Variants in DOCK2 observed in about 807,000 individuals in gnomAD.
The protein encoded by DOCK2 is dedicator of cytokinesis protein 2.
A neutral mutation model predicts 248.9 loss-of-function variants in DOCK2; 87 were observed. The ratio of observed to expected loss-of-function variants is 0.35; its 90% CI spans 0.29 to 0.42. The LOEUF (loss-of-function observed/expected upper bound fraction) is 0.42, where lower values mean the gene tolerates loss of function less well. DOCK2 is among the 10% of genes least tolerant of loss of function. The pLI, the probability that DOCK2 is intolerant of heterozygous loss-of-function variation, is 1.00. For synonymous variants in DOCK2, 805 were observed against 821.6 expected, an observed-to-expected ratio of 0.98 and a Z score of 0.35; for missense variants, 1,747 against 2,300.2, an observed-to-expected ratio of 0.76 and a Z score of 4.92.
At chr5:169,785,833 T>C (rs142343887) in intron 25 of DOCK2, among the ~76,000 whole-genome samples, 1 of 152,148 alleles carries the variant, frequency 6.6e-6, no homozygotes, top group African/African-American at 2.4e-5. Context: ...TTTTGTGGAA[T>C]GCTCCTTCAT....
At chr5:170,003,547 T>G (rs1754914202) in intron 30 of DOCK2, among the ~76,000 whole-genome samples, 1 of 152,152 alleles carries the variant, frequency 6.6e-6, no homozygotes, top group Non-Finnish European at 1.5e-5. Flanking sequence ...AGGAAGCGGG[T>G]CTTGAACCCA....
At chr5:170,077,643 G>T (rs1418386869) in intron 47 of DOCK2, 67 bp from the exon 48 acceptor site, 2 of 1,594,218 alleles carry the variant, frequency 1.3e-6, no homozygotes, top group Non-Finnish European at 1.7e-6. Flanking sequence ...GAGGAAGAAG[G>T]TGACAGGAAG....
chr5:170,077,604 C>T, intron 47 of DOCK2, 106 bp from the exon 48 acceptor site: 1 of 1,511,172 alleles, frequency 6.6e-7, no homozygotes, highest in Non-Finnish European at 8.9e-7. Context: ...ATGCTCCACT[C>T]AGCCCCACAA....
chr5:169,939,689 T>C (rs1290615180), intron 27 of DOCK2, among the ~76,000 whole-genome samples: 1 of 152,192 alleles, frequency 6.6e-6, no homozygotes, highest in Non-Finnish European at 1.5e-5. Flanking sequence ...ATTCCGTCAT[T>C]GACTGAGACG....
chr5:169,724,209 A>G (rs1384044190), intron 22 of DOCK2, among the ~76,000 whole-genome samples: 2 of 152,162 alleles, frequency 1.3e-5, no homozygotes, highest in Non-Finnish European at 2.9e-5. Flanking sequence ...GGGGCTGCTG[A>G]GAGGCACATG....
At chr5:169,966,071 C>T (rs989106746) in intron 27 of DOCK2, among the ~76,000 whole-genome samples, 3 of 152,192 alleles carry the variant, frequency 2.0e-5, no homozygotes, top group Non-Finnish European at 4.4e-5. Flanking sequence ...AATATTCTGC[C>T]AATCTCGAAA....
At chr5:169,932,484 G>C (rs542390011) in intron 27 of DOCK2, among the ~76,000 whole-genome samples, 4 of 152,200 alleles carry the variant, frequency 2.6e-5, no homozygotes, top group Non-Finnish European at 5.9e-5. Flanking sequence ...TCAGTTGATG[G>C]AACATGCTTC....
At chr5:170,023,802 G>A (rs1755812310) in intron 33 of DOCK2, among the ~76,000 whole-genome samples, 1 of 152,076 alleles carries the variant, frequency 6.6e-6, no homozygotes. Context: ...TGACATCCAG[G>A]CCTCTAATAA....
chr5:169,900,265 A>G (rs140165040), intron 27 of DOCK2, among the ~76,000 whole-genome samples: 1 of 152,054 alleles, frequency 6.6e-6, no homozygotes, highest in Admixed American at 6.6e-5. Flanking sequence ...CCTTTAGACA[A>G]CCCTAACCTG....
intron 20 of DOCK2, 34 bp from the exon 21 acceptor site, chr5:169,717,350 C>A (rs192672404): frequency 5.4e-5 from 86 of 1,588,030 alleles, no homozygotes; most frequent in Admixed American, 3.0e-4. Flanking sequence ...CCTGGGTTTG[C>A]CCTGAAAATA....
In DOCK2 at chr5:169,911,498, C is replaced by G. The variant is rs1774596654; in HGVS notation, c.2799+70646C>G. 3.3e-5 allele frequency among the ~76,000 whole-genome samples: 5 copies of G among 152,308 alleles called. No homozygotes were observed. The South Asian group carries it at 1.0e-3, about 32-fold the overall frequency. On this transcript the variant is annotated intron_variant, in intron 27 of 51. Transcript: ENST00000520908. ...GTTTAATGTGGCCAGTGACATTTTT[C>G]CAAGTCTGTTTATTACCTGCTGGTG...
In DOCK2 at chr5:170,079,126, G is replaced by A. The variant is rs752039688; in HGVS notation, c.5146G>A (p.Ala1716Thr). Residue 1716 changes from alanine to threonine, a missense_variant, in exon 49 of 52, where the codon GCA (alanine) becomes ACA (threonine). By Grantham distance (58) the Ala-to-Thr change is moderately conservative. Coordinates refer to ENST00000520908, the MANE Select transcript of DOCK2 (RefSeq NM_004946.3). ...SVVFADEKAA[A>T]ESDLKRLSRK... Reference sequence around the variant, plus strand: ...AGTTTTTGCGGATGAGAAAGCAGCTGCAGAGTCGGACCTGAAGCGGGTGAG... The same window carrying A: ...AGTTTTTGCGGATGAGAAAGCAGCTACAGAGTCGGACCTGAAGCGGGTGAG... 3.1e-6 allele frequency: 5 copies of A among 1,613,726 alleles called. No homozygotes were observed. Among genetic ancestry groups the A allele is most frequent in the East Asian group, 2.2e-5 (1 of 44,882 alleles).
intron 34 of DOCK2, among the ~76,000 whole-genome samples, chr5:170,031,416 C>T (rs959661559): frequency 6.6e-6 from 1 of 152,214 alleles, no homozygotes; most frequent in Non-Finnish European, 1.5e-5. Context: ...CCCTCTAGTC[C>T]TCCCACAACA....
chr5:169,796,766 G>C (rs1766680539), intron 25 of DOCK2, among the ~76,000 whole-genome samples: 2 of 152,222 alleles, frequency 1.3e-5, no homozygotes, highest in African/African-American at 4.8e-5. Flanking sequence ...AAGGAGTCAG[G>C]AGAAGATGGC....
rs1248155992 is a variant in DOCK2 at position 169,708,195 on chromosome 5, C to T, written c.1410C>T (p.Asp470=). The change falls in exon 15 of 52, where the codon GAC becomes GAT. Residue 470 remains aspartate, a synonymous_variant. Coordinates refer to ENST00000520908, the MANE Select transcript of DOCK2 (RefSeq NM_004946.3). ...LPNAICVGAG[D]KPMNEYRSVV... ...ATGCAATTTGCGTGGGAGCAGGGGA[C>T]AAGCCCATGAATGAGTATCGCTCCG... 6 of 1,614,030 alleles carry T rather than the reference C, an allele frequency of 3.7e-6. No homozygotes were observed. In the East Asian group the frequency reaches 6.7e-5, roughly 18 times the overall value.
rs1044483276 is a variant in DOCK2 at position 170,073,631 on chromosome 5, T to A, written c.4729-2316T>A. ...TCAGCAAAATTTTGTGGTTTTCACATATTTTATTTTCTTTCATATATCTTA... is the reference window on the plus strand; with the variant it reads ...TCAGCAAAATTTTGTGGTTTTCACAAATTTTATTTTCTTTCATATATCTTA... On this transcript the variant is annotated intron_variant, in intron 46 of 51. Coordinates refer to ENST00000520908, the MANE Select transcript of DOCK2 (RefSeq NM_004946.3). Among the ~76,000 whole-genome samples, 4 of 152,194 alleles carry A rather than the reference T, an allele frequency of 2.6e-5. No homozygotes were observed. In the South Asian group the frequency reaches 6.2e-4, roughly 24 times the overall value.
At chr5:170,071,408 A>T (rs1757674720) in intron 46 of DOCK2, among the ~76,000 whole-genome samples, 1 of 152,240 alleles carries the variant, frequency 6.6e-6, no homozygotes, top group Non-Finnish European at 1.5e-5. Flanking sequence ...AGGGGAGTGA[A>T]TGTATTTGTA....
Position 170,008,293 on chromosome 5 carries a change from G to A in DOCK2, c.3073-204G>A, listed in dbSNP as rs148769428. On this transcript the variant is annotated intron_variant, in intron 30 of 51. Coordinates refer to ENST00000520908, the MANE Select transcript of DOCK2 (RefSeq NM_004946.3). ...GTTGTCTGAGAGTGGACGTGGTAGC[G>A]CCTAGAGAAATCCATCCATTGTCCT... Among the ~76,000 whole-genome samples the A allele has an allele frequency of 9.3e-3, 1,417 of 151,936 alleles. 8 individuals are homozygous for A. The highest frequency in any genetic ancestry group is 0.016 in the Non-Finnish European group (1,075 of 67,978).
intron 27 of DOCK2, among the ~76,000 whole-genome samples, chr5:169,863,430 A>G (rs1322293007): frequency 6.6e-6 from 1 of 152,244 alleles, no homozygotes; most frequent in East Asian, 1.9e-4. Flanking sequence ...TAAATATTGC[A>G]GGTAAGTTAA....
Sources: allele counts gnomAD v4.1 joint callset (sites outside exome capture counted in the v4.1 genomes callset), GRCh38; gene constraint gnomAD v4.1.1; transcripts MANE v1.5; gene names NCBI Gene and HGNC (gene_info 2026-07-23, HGNC 2026-07-21).